The following FBXO34 variants were observed in gnomAD, a reference collection of about 807,000 sequenced individuals.
The protein encoded by FBXO34 is F-box only protein 34.
FBXO34 carries 12 observed loss-of-function variants against 24.5 expected under a neutral mutation model. The observed-to-expected ratio is 0.49, with a 90% CI of 0.31 to 0.79. FBXO34 has a LOEUF of 0.79. FBXO34 is among the 30% of genes least tolerant of loss of function. The pLI, the probability that FBXO34 is intolerant of heterozygous loss-of-function variation, is 0.04. For synonymous variants in FBXO34, 320 were observed against 311.9 expected (o/e 1.03, Z -0.27); for missense variants, 823 against 857.7 (o/e 0.96, Z 0.51).
the FBXO34 span, among the ~76,000 whole-genome samples, chr14:55,418,315 G>T: frequency 1.3e-5 from 2 of 152,152 alleles, no homozygotes; most frequent in Non-Finnish European, 2.9e-5. Flanking sequence ...TGTTGATAAG[G>T]TTTATAAGTT....
chr14:55,313,263 T>G (rs746355682), intron 1 of FBXO34, among the ~76,000 whole-genome samples: 1 of 152,210 alleles, frequency 6.6e-6, no homozygotes, highest in Non-Finnish European at 1.5e-5. Flanking sequence ...GTCACCTTTA[T>G]TCCAGTTCTC....
rs115846218 is a variant in FBXO34 at position 55,308,166 on chromosome 14, A to G, written c.-11+36629A>G. On this transcript the variant is annotated intron_variant, in intron 1 of 1. Coordinates refer to ENST00000313833, the MANE Select transcript of FBXO34 (RefSeq NM_017943.4). ...CGAGAACAGACTAATACAGAGGGTC[A>G]GAGAAAACAAGCATTTTGCATAGAA... Among the ~76,000 whole-genome samples, 1,304 of 152,360 alleles carry G rather than the reference A, an allele frequency of 8.6e-3. 24 individuals carry two copies. The highest frequency in any genetic ancestry group is 0.03 in the African/African-American group (1,250 of 41,584).
chr14:55,307,481 C>G (rs544786762), intron 1 of FBXO34, among the ~76,000 whole-genome samples: 16 of 152,316 alleles, frequency 1.1e-4, no homozygotes, highest in African/African-American at 3.4e-4. Context: ...TTTTGTGTGA[C>G]TCTTGTCCTC....
chr14:55,281,991 C>CTTTTTTTTTTT (rs372305828), intron 1 of FBXO34, among the ~76,000 whole-genome samples: 9 of 65,132 alleles, frequency 1.4e-4, no homozygotes, highest in South Asian at 5.2e-4. Flanking sequence ...TTAAATTTAG[C>CTTTTTTTTTTT]TTTTTTTTTT....
intron 1 of FBXO34, among the ~76,000 whole-genome samples, chr14:55,286,278 T>C (rs1406881993): frequency 1.3e-5 from 2 of 152,236 alleles, no homozygotes; most frequent in Non-Finnish European, 2.9e-5. Flanking sequence ...TTTAATGTTC[T>C]TGGCAGACAC....
chr14:55,381,984 C>G, the FBXO34 span: 1 of 1,614,136 alleles, frequency 6.2e-7, no homozygotes, highest in Non-Finnish European at 8.5e-7. Flanking sequence ...TTGTTTTCTT[C>G]TCCTCCACCC....
At chr14:55,424,850 A>G in the FBXO34 span, among the ~76,000 whole-genome samples, 2 of 152,172 alleles carry the variant, frequency 1.3e-5, no homozygotes, top group African/African-American at 4.8e-5. Context: ...GGAGCGAAAG[A>G]TGATAGCACT....
intron 1 of FBXO34, among the ~76,000 whole-genome samples, chr14:55,341,353 A>G (rs1008597428): frequency 6.6e-6 from 1 of 152,210 alleles, no homozygotes; most frequent in Admixed American, 6.5e-5. Context: ...TTTGTGAGAA[A>G]GTGCACAGAT....
intron 1 of FBXO34, chr14:55,326,115 C>T (rs558058958): frequency 6.6e-6 from 1 of 152,308 alleles, no homozygotes; most frequent in African/African-American, 2.4e-5. Flanking sequence ...ATACACAAAG[C>T]ACAGCTGAGA....
chr14:55,275,397 G>A (rs1240422774), intron 1 of FBXO34, among the ~76,000 whole-genome samples: 1 of 152,132 alleles, frequency 6.6e-6, no homozygotes, highest in African/African-American at 2.4e-5. Context: ...TTCTGTGCCA[G>A]GTACTCAGAT....
At chr14:55,373,301 C>A (rs556038335), downstream of FBXO34, among the ~76,000 whole-genome samples, 100 of 152,232 alleles carry the variant, frequency 6.6e-4, no homozygotes, top group African/African-American at 2.4e-3. Flanking sequence ...ACAAAAGGAT[C>A]TTTCTAGCTT....
rs1884403864 is a variant in FBXO34 at position 55,351,992 on chromosome 14, A to G, written c.1602A>G (p.Pro534=). 6.2e-7 allele frequency: 1 copy of G among 1,614,082 alleles called. No individual in the cohort carries two copies. The highest frequency in any genetic ancestry group is 8.5e-7 in the Non-Finnish European group (1 of 1,180,052). ...KSGSAEPFVL[P]ASSVESTLPV... is the part of the protein sequence containing the mutation. ...GGTCTGCTGAGCCATTTGTACTGCCAGCCTCTTCTGTGGAAAGTACATTAC... is the reference window on the plus strand; with the variant it reads ...GGTCTGCTGAGCCATTTGTACTGCCGGCCTCTTCTGTGGAAAGTACATTAC... Residue 534 remains proline, a synonymous_variant, in exon 2 of 2, where the codon CCA becomes CCG. Transcript: ENST00000313833.
At chr14:55,306,431 C>T (rs991577014) in intron 1 of FBXO34, among the ~76,000 whole-genome samples, 4 of 152,192 alleles carry the variant, frequency 2.6e-5, no homozygotes, top group African/African-American at 9.7e-5. Flanking sequence ...GTCATTTCTA[C>T]ACAGCGTCAT....
At chr14:55,416,001 A>G in the FBXO34 span, among the ~76,000 whole-genome samples, 2 of 152,252 alleles carry the variant, frequency 1.3e-5, no homozygotes, top group African/African-American at 2.4e-5. Flanking sequence ...GTCACATGTT[A>G]TAAGATTCTA....
intron 1 of FBXO34, among the ~76,000 whole-genome samples, chr14:55,323,227 T>A (rs35125178): frequency 0.089 from 1,288 of 14,546 alleles, 45 homozygotes; most frequent in Middle Eastern, 0.2. Flanking sequence ...AAATATATAT[T>A]TTTTTTTTTT....
the FBXO34 span, among the ~76,000 whole-genome samples, chr14:55,382,703 T>G: frequency 6.6e-6 from 1 of 152,118 alleles, no homozygotes; most frequent in South Asian, 2.1e-4. Context: ...GAGAGGAAGA[T>G]CAAACCAGCT....
intron 1 of FBXO34, among the ~76,000 whole-genome samples, chr14:55,272,929 C>A (rs1007343467): frequency 6.6e-6 from 1 of 152,180 alleles, no homozygotes; most frequent in Non-Finnish European, 1.5e-5. Context: ...TCTGTGAATA[C>A]TGTTTTTCTT....
exon 3 of FBXO34, chr14:55,368,070 T>C (rs754574439): frequency 1.3e-5 from 2 of 152,098 alleles, no homozygotes; most frequent in African/African-American, 4.8e-5. Context: ...GGATTTCTTT[T>C]GGTAGTTGTT....
intron 1 of FBXO34, among the ~76,000 whole-genome samples, chr14:55,280,527 C>CTTTTTTTTT (rs77678519): frequency 7.9e-5 from 10 of 125,894 alleles, no homozygotes; most frequent in Non-Finnish European, 8.1e-5. Context: ...ATATCAGGAA[C>CTTTTTTTTT]TTTTTTTTTT....
Sources: allele counts gnomAD v4.1 joint callset (sites outside exome capture counted in the v4.1 genomes callset), GRCh38; gene constraint gnomAD v4.1.1; transcripts MANE v1.5; gene names NCBI Gene and HGNC (gene_info 2026-07-23, HGNC 2026-07-21).